KIF16B: variants seen among roughly 807,000 people sequenced by gnomAD.
The protein encoded by KIF16B is kinesin family member 16B.
A neutral mutation model predicts 156.3 loss-of-function variants in KIF16B; 98 were observed. That is an observed-to-expected ratio of 0.63 (90% CI 0.53 to 0.74). The LOEUF is 0.74. KIF16B is among the 30% of genes least tolerant of loss of function. The probability of loss-of-function intolerance (pLI) is 0.00; values close to 1 mark genes in which losing one functional copy is unlikely to be tolerated. For synonymous variants in KIF16B, 564 were observed against 583.7 expected, an observed-to-expected ratio of 0.97 and a Z score of 0.49; for missense variants, 1,421 against 1,606.5, an observed-to-expected ratio of 0.88 and a Z score of 1.97.
chr20:16,435,014 G>C (rs2066607070), intron 12 of KIF16B, among the ~76,000 whole-genome samples: 1 of 151,992 alleles, frequency 6.6e-6, no homozygotes. Flanking sequence ...TTATCCTCTA[G>C]TAAAACTACT....
intron 1 of KIF16B, among the ~76,000 whole-genome samples, chr20:16,571,377 C>T (rs919560083): frequency 3.3e-5 from 5 of 152,288 alleles, no homozygotes; most frequent in African/African-American, 1.2e-4. Context: ...ATATAAATAA[C>T]ATCACGCGAA....
At chr20:16,544,591 G>C (rs973826981) in intron 1 of KIF16B, among the ~76,000 whole-genome samples, 2 of 114,676 alleles carry the variant, frequency 1.7e-5, no homozygotes, top group African/African-American at 6.7e-5. Context: ...TGGGTGACAA[G>C]AGTGAAAAGC....
intron 25 of KIF16B, among the ~76,000 whole-genome samples, chr20:16,298,472 A>G (rs1568827375): frequency 6.6e-6 from 1 of 152,092 alleles, no homozygotes; most frequent in Admixed American, 6.5e-5. Flanking sequence ...GAATTTATCT[A>G]TTTCTTCTAG....
intron 15 of KIF16B, among the ~76,000 whole-genome samples, chr20:16,413,497 T>A (rs1474042809): frequency 1.3e-5 from 2 of 152,164 alleles, no homozygotes; most frequent in Non-Finnish European, 2.9e-5. Flanking sequence ...TCATTTTTTC[T>A]CCTACTGTTT....
At chr20:16,468,435 G>A (rs2067557840) in intron 12 of KIF16B, among the ~76,000 whole-genome samples, 1 of 151,896 alleles carries the variant, frequency 6.6e-6, no homozygotes. Context: ...AATTAGCCGG[G>A]CATGGTGGTG....
rs115886911 is a variant in KIF16B, at chr20:16,483,748, C to T, written c.1302+10543G>A. On this transcript the variant is annotated intron_variant, in intron 12 of 25. Transcript: ENST00000354981. ...TAAATTATTGATCCAGAGTAACACA[C>T]AGGCAAAAGTCACTAGTCTAGGCAA... 2.4e-3 allele frequency among the ~76,000 whole-genome samples: 362 copies of T among 152,232 alleles called. 1 individual carries two copies. The highest frequency in any genetic ancestry group is 8.5e-3 in the African/African-American group (352 of 41,548).
intron 1 of KIF16B, among the ~76,000 whole-genome samples, chr20:16,546,104 A>T (rs1226479303): frequency 1.3e-5 from 2 of 152,196 alleles, no homozygotes; most frequent in Non-Finnish European, 2.9e-5. Flanking sequence ...CACCAAGCAT[A>T]GTGCCTAACA....
intron 1 of KIF16B, among the ~76,000 whole-genome samples, chr20:16,550,835 C>T (rs2070621640): frequency 6.6e-6 from 1 of 152,006 alleles, no homozygotes; most frequent in Non-Finnish European, 1.5e-5. Flanking sequence ...CTGGCCGAAA[C>T]ATGCATTCTA....
chr20:16,295,935 C>G (rs2063379834), intron 25 of KIF16B, among the ~76,000 whole-genome samples: 1 of 152,200 alleles, frequency 6.6e-6, no homozygotes, highest in East Asian at 1.9e-4. Context: ...AATGTTTTTT[C>G]TACCACCAGT....
rs547964356 is a variant in KIF16B at position 16,543,692 on chromosome 20, G to A, written c.48-15252C>T. On this transcript the variant is annotated intron_variant, in intron 1 of 25. Transcript: ENST00000354981. ...TTTCATGGGGAATTTTGGATACTCC[G>A]CAGAAAGGAGATTTAGGGTCAAGCA... Among the ~76,000 whole-genome samples, 11 of 152,224 alleles carry A rather than the reference G, an allele frequency of 7.2e-5. No homozygotes were observed. In the East Asian group the frequency reaches 1.5e-3, roughly 21 times the overall value.
intron 11 of KIF16B, among the ~76,000 whole-genome samples, chr20:16,495,358 A>G (rs745419115): frequency 6.6e-6 from 1 of 152,212 alleles, no homozygotes; most frequent in Non-Finnish European, 1.5e-5. Flanking sequence ...CTGATTTTCT[A>G]TATGCCATTA....
chr20:16,481,541 A>C (rs865952679), intron 12 of KIF16B, among the ~76,000 whole-genome samples: 3 of 152,342 alleles, frequency 2.0e-5, no homozygotes, highest in Middle Eastern at 3.4e-3. Context: ...GTTTTGGATG[A>C]GAAATAGGAC....
chr20:16,410,884 T>G lies in KIF16B; in HGVS notation c.1613-4428A>C, dbSNP rs2065936395. Reference sequence around the variant, plus strand: ...TTAGCACATCTCAGCACAGTTATTCTGTCCTTGGCACCCTTAGTTCCTGTA... The same window carrying G: ...TTAGCACATCTCAGCACAGTTATTCGGTCCTTGGCACCCTTAGTTCCTGTA... On this transcript the variant is annotated intron_variant, in intron 15 of 25. Transcript: ENST00000354981. 2.0e-5 allele frequency among the ~76,000 whole-genome samples: 3 copies of G among 152,144 alleles called. No homozygotes were observed. In the South Asian group the frequency reaches 6.2e-4, roughly 31 times the overall value.
At chr20:16,558,649 T>A (rs1422172344) in intron 1 of KIF16B, among the ~76,000 whole-genome samples, 1 of 152,216 alleles carries the variant, frequency 6.6e-6, no homozygotes, top group African/African-American at 2.4e-5. Context: ...ACGCCTGTAA[T>A]CCCAACACTT....
chr20:16,561,760 T>G (rs1001570594), intron 1 of KIF16B, among the ~76,000 whole-genome samples: 1 of 152,236 alleles, frequency 6.6e-6, no homozygotes, highest in African/African-American at 2.4e-5. Context: ...GTGGTATTAT[T>G]GTCAAAAATT....
intron 1 of KIF16B, among the ~76,000 whole-genome samples, chr20:16,551,862 G>A (rs2070680638): frequency 6.6e-6 from 1 of 152,126 alleles, no homozygotes; most frequent in African/African-American, 2.4e-5. Flanking sequence ...AGCTACAGGA[G>A]GGCAAAGGAA....
chr20:16,354,977 G>A (rs531928412), intron 23 of KIF16B, among the ~76,000 whole-genome samples: 1 of 151,232 alleles, frequency 6.6e-6, no homozygotes, highest in South Asian at 2.1e-4. Context: ...ACAACACACA[G>A]GCATCATGCT....
intron 3 of KIF16B, among the ~76,000 whole-genome samples, chr20:16,520,126 G>GT (rs201085118): frequency 5.6e-3 from 811 of 145,052 alleles, no homozygotes; most frequent in African/African-American, 0.011. Context: ...AGCTGCAGGA[G>GT]TTTTTTTTTT....
At chr20:16,499,639 A>T (rs752123549) in intron 10 of KIF16B, among the ~76,000 whole-genome samples, 1 of 152,232 alleles carries the variant, frequency 6.6e-6, no homozygotes, top group Non-Finnish European at 1.5e-5. Flanking sequence ...ACAAATAGAA[A>T]GCCCTTTATA....
Sources: allele counts gnomAD v4.1 joint callset (sites outside exome capture counted in the v4.1 genomes callset), GRCh38; gene constraint gnomAD v4.1.1; transcripts MANE v1.5; gene names NCBI Gene and HGNC (gene_info 2026-07-23, HGNC 2026-07-21).